SSH2: variants seen among roughly 807,000 people sequenced by gnomAD.
The protein encoded by SSH2 is protein phosphatase Slingshot homolog 2.
Under a neutral mutation model 135.2 loss-of-function variants are expected in SSH2, and 37 were observed. That is an observed-to-expected ratio of 0.27 (90% confidence interval 0.21 to 0.36). SSH2 has a LOEUF of 0.36. Among genes scored for constraint, SSH2 ranks in the 10% least tolerant of loss-of-function variants. The pLI, the probability that SSH2 is intolerant of heterozygous loss-of-function variation, is 1.00. For missense variants in SSH2, 1,408 were observed against 1,765.3 expected, an observed-to-expected ratio of 0.80 and a Z score of 3.63; for synonymous variants, 628 against 646.2, an observed-to-expected ratio of 0.97 and a Z score of 0.43.
chr17:29,750,866 A>G (rs562982169), intron 3 of SSH2, among the ~76,000 whole-genome samples: 2 of 152,030 alleles, frequency 1.3e-5, no homozygotes, highest in South Asian at 4.2e-4. Flanking sequence ...ATACAAAAAA[A>G]AAAAAAAAAG....
intron 2 of SSH2, among the ~76,000 whole-genome samples, chr17:29,829,074 G>A (rs923469836): frequency 6.6e-6 from 1 of 152,148 alleles, no homozygotes; most frequent in Non-Finnish European, 1.5e-5. Flanking sequence ...CCCATGAATG[G>A]AGTGCTATTC....
chr17:29,741,942 T>C (rs1014881848), intron 3 of SSH2, among the ~76,000 whole-genome samples: 3 of 146,090 alleles, frequency 2.1e-5, no homozygotes, highest in Admixed American at 6.8e-5. Context: ...TTCTTTTTTT[T>C]TTTTTTTTTT....
At chr17:29,795,294 A>T (rs140854803) in intron 2 of SSH2, among the ~76,000 whole-genome samples, 5 of 152,380 alleles carry the variant, frequency 3.3e-5, no homozygotes, top group Admixed American at 6.5e-5. Flanking sequence ...GAATTAGAGA[A>T]AAAACAATAA....
chr17:29,640,071 ATGTTTTTTTTT>A (rs1162028647), intron 14 of SSH2, among the ~76,000 whole-genome samples: 3 of 149,456 alleles, frequency 2.0e-5, no homozygotes, highest in South Asian at 2.1e-4. Flanking sequence ...CCTCCAAAGT[ATGTTTTTTTTT>A]TGTTTTTTTT....
chr17:29,765,851 C>A (rs780288261), intron 3 of SSH2, among the ~76,000 whole-genome samples: 18 of 151,894 alleles, frequency 1.2e-4, no homozygotes, highest in South Asian at 4.2e-4. Flanking sequence ...GAAACTCCTT[C>A]TCTATTAAAA....
chr17:29,749,479 A>G (rs1170333329), intron 3 of SSH2, among the ~76,000 whole-genome samples: 1 of 152,208 alleles, frequency 6.6e-6, no homozygotes, highest in Non-Finnish European at 1.5e-5. Context: ...CATAATGTTA[A>G]GTATTTGTAT....
At chr17:29,688,278 G>A (rs1248110124) in intron 5 of SSH2, among the ~76,000 whole-genome samples, 1 of 151,822 alleles carries the variant, frequency 6.6e-6, no homozygotes, top group Non-Finnish European at 1.5e-5. Context: ...CAAAGTGCTG[G>A]GATTACAGGT....
At position 29,629,246 on chromosome 17, in the gene SSH2, T is replaced by C. The variant is rs1022636544; in HGVS notation, c.*1595A>G. ...TCCTAAATGGAGTCACTGTGGGCACTTGCCCCTGGCTGAGGCCTCCCCTGT... is the reference window on the plus strand; with the variant it reads ...TCCTAAATGGAGTCACTGTGGGCACCTGCCCCTGGCTGAGGCCTCCCCTGT... On this transcript the variant is annotated 3_prime_UTR_variant, in exon 16 of 16. Transcript: ENST00000540801. 3.3e-5 allele frequency: 5 copies of C among 152,718 alleles called. No individual in the cohort carries two copies. Among genetic ancestry groups the C allele is most frequent in the Non-Finnish European group, 7.3e-5 (5 of 68,056 alleles). 9.5% of individuals were successfully genotyped at this position (152,718 alleles called of 1,614,324 possible).
At chr17:29,849,202 G>A (rs541462316) in intron 1 of SSH2, among the ~76,000 whole-genome samples, 232 of 152,066 alleles carry the variant, frequency 1.5e-3, no homozygotes, top group Non-Finnish European at 2.5e-3. Flanking sequence ...GCTGCTAGCC[G>A]GGCACAGTGG....
At chr17:29,702,077 G>C (rs189998977) in intron 4 of SSH2, among the ~76,000 whole-genome samples, 114 of 151,976 alleles carry the variant, frequency 7.5e-4, no homozygotes, top group African/African-American at 2.4e-3. Flanking sequence ...TGAGGGCTGG[G>C]TGCGGGGACT....
chr17:29,909,455 T>C (rs2066725352), intron 1 of SSH2, among the ~76,000 whole-genome samples: 1 of 152,062 alleles, frequency 6.6e-6, no homozygotes. Flanking sequence ...CACAGATGAA[T>C]GAGTCTCAAG....
intron 3 of SSH2, among the ~76,000 whole-genome samples, chr17:29,712,095 TAACTCGAAGTGGGGAG>T (rs1199536164): frequency 6.6e-6 from 1 of 152,210 alleles, no homozygotes; most frequent in Non-Finnish European, 1.5e-5. Flanking sequence ...AAAGGCGAGA[TAACTCGAAGTGGGGAG>T]AGGACTTCCA....
chr17:29,919,806 T>C (rs1459973933), intron 1 of SSH2, among the ~76,000 whole-genome samples: 1 of 152,034 alleles, frequency 6.6e-6, no homozygotes, highest in South Asian at 2.1e-4. Context: ...AACATGGACA[T>C]GTGAATAGCT....
intron 8 of SSH2, chr17:29,673,810 GCCTATCAT>G: frequency 3.2e-6 from 1 of 308,614 alleles, no homozygotes; most frequent in South Asian, 2.9e-5. Flanking sequence ...TTGCTTTACA[GCCTATCAT>G]CAACATCTTT....
intron 9 of SSH2, among the ~76,000 whole-genome samples, chr17:29,670,031 G>A (rs925642388): frequency 6.6e-6 from 1 of 151,866 alleles, no homozygotes; most frequent in Non-Finnish European, 1.5e-5. Flanking sequence ...ACAGGCGCCT[G>A]CCACCATGCC....
At chr17:29,725,399 C>G (rs1181368066) in intron 3 of SSH2, among the ~76,000 whole-genome samples, 1 of 145,694 alleles carries the variant, frequency 6.9e-6, no homozygotes, top group Non-Finnish European at 1.5e-5. Flanking sequence ...GGGTATATAC[C>G]CAAAAGATTC....
intron 11 of SSH2, among the ~76,000 whole-genome samples, chr17:29,664,373 CAAAA>C (rs61290148): frequency 4.7e-5 from 3 of 64,516 alleles, no homozygotes; most frequent in African/African-American, 6.0e-5. Flanking sequence ...ACTCCGTCTC[CAAAA>C]AAAAAAAAAA....
intron 14 of SSH2, chr17:29,645,723 T>A (rs1839668255): frequency 6.6e-6 from 1 of 152,184 alleles, no homozygotes; most frequent in Non-Finnish European, 1.5e-5. Flanking sequence ...AAAAATGCCA[T>A]CAAAATCTGG....
At position 29,650,585 on chromosome 17, in the gene SSH2, C is replaced by G. The variant is rs2036546800; in HGVS notation, c.1226+69G>C. 8.8e-6 allele frequency: 13 copies of G among 1,476,104 alleles called. No homozygotes were observed. The South Asian group carries it at 9.5e-5, about 11-fold the overall frequency. 91.4% of individuals were successfully genotyped at this position (1,476,104 alleles called of 1,614,324 possible). ...CCATCAGTAAGTTGTCTATAGCCCT[C>G]AGGACCCAGCCATGTGTGGTGGGGC... On this transcript the variant is annotated intron_variant, in intron 13 of 15. Coordinates refer to ENST00000540801, the MANE Select transcript of SSH2 (RefSeq NM_001282129.2).
Sources: gnomAD v4.1 joint callset for allele counts (sites outside exome capture counted in the v4.1 genomes callset) on GRCh38, gnomAD v4.1.1 for gene constraint, MANE v1.5 for transcripts, NCBI Gene and HGNC (gene_info 2026-07-23, HGNC 2026-07-21) for gene names.